KRT3: variants seen among roughly 807,000 people sequenced by gnomAD.
KRT3 encodes the protein keratin 3, also known as keratin, type II cytoskeletal 3.
A neutral mutation model predicts 45.8 loss-of-function variants in KRT3; 34 were observed. The ratio of observed to expected loss-of-function variants is 0.74; its 90% CI spans 0.57 to 0.99. KRT3 has a LOEUF of 0.99. Among genes scored for constraint, KRT3 ranks in the 50% least tolerant of loss-of-function variants. The pLI, the probability that KRT3 is intolerant of heterozygous loss-of-function variation, is 0.00. For missense variants in KRT3, 828 were observed against 820.6 expected, an observed-to-expected ratio of 1.01 and a Z score of -0.11; for synonymous variants, 367 against 329.0, an observed-to-expected ratio of 1.12 and a Z score of -1.25.
rs750421344 is a variant in KRT3 at position 52,795,970 on chromosome 12, C to T, written c.73G>A (p.Gly25Ser). Residue 25 changes from glycine to serine, a missense_variant, in exon 1 of 9, where the codon GGC (glycine) becomes AGC (serine). Physicochemically the swap from Gly to Ser is moderately conservative, Grantham distance 56. Transcript: ENST00000417996. ...GCCACACAGCTCATCCTGCTGCTGC[C>T]GGAGACCACAGCAGAGCGGCCGGAG... ...GFSGRSAVVS[G>S]SSRMSCVAHS... 1.1e-5 allele frequency: 18 copies of T among 1,614,018 alleles called. No individual in the cohort carries two copies. The highest frequency in any genetic ancestry group is 1.6e-4 in the Middle Eastern group (1 of 6,062).
intron 3 of KRT3, 65 bp from the exon 4 acceptor site, chr12:52,792,871 C>A: frequency 9.4e-7 from 1 of 1,060,560 alleles, no homozygotes. Flanking sequence ...ACAACTGCAG[C>A]AAGAAAGAGC....
chr12:52,794,723 G>A (rs1201443219), intron 1 of KRT3, among the ~76,000 whole-genome samples: 1 of 152,168 alleles, frequency 6.6e-6, no homozygotes, highest in East Asian at 1.9e-4. Flanking sequence ...TTCAAAAACA[G>A]TGAAGTGATG....
Position 52,789,861 on chromosome 12 carries a change from C to A in KRT3, c.*181G>T. The stretch of plus-strand genomic sequence containing the variant: ...CACAGGCTGGAGCCGGAGAGAAGAG[C>A]CTGAAATTCTCGTGACTGGGCTTGG... On this transcript the variant is annotated 3_prime_UTR_variant, in exon 9 of 9. Coordinates refer to ENST00000417996, the MANE Select transcript of KRT3 (RefSeq NM_057088.3). The A allele has an allele frequency of 1.4e-6, 1 of 693,682 alleles. No homozygotes were observed. The highest frequency in any genetic ancestry group is 2.5e-6 in the Non-Finnish European group (1 of 404,404). The allele number at this position is 693,682 out of a possible 1,614,324, so 43.0% of individuals were successfully genotyped here.
In KRT3 at chr12:52,794,201, C is replaced by T. The variant is rs199804632; in HGVS notation, c.776G>A (p.Arg259Gln). Residue 259 changes from arginine (R) to glutamine (Q), a missense_variant, in exon 2 of 9, where the codon CGG (arginine) becomes CAG (glutamine). Coordinates refer to ENST00000417996, the MANE Select transcript of KRT3 (RefSeq NM_057088.3). ...PLFENHINYL[R>Q]SYLDNILGER... is the part of the protein sequence containing the mutation. Reference sequence around the variant, plus strand: ...CCCGAGGATGTTGTCCAGGTAGCTCCGCAGGTAGTTGATGTGATTCTCAAA... The same window carrying T: ...CCCGAGGATGTTGTCCAGGTAGCTCTGCAGGTAGTTGATGTGATTCTCAAA... The T allele has an allele frequency of 3.5e-5, 57 of 1,614,138 alleles. 1 individual carries two copies. In the Middle Eastern group the frequency reaches 8.2e-4, roughly 23 times the overall value.
In KRT3 at chr12:52,790,804, A is replaced by C. The variant is rs1208799242; in HGVS notation, c.1570+34T>G. 8 of 1,536,814 alleles carry C rather than the reference A, an allele frequency of 5.2e-6. No homozygotes were observed. In the African/African-American group the frequency reaches 1.1e-4, roughly 21 times the overall value. ...GGATTAGTGCAGATATTTCAGAATT[A>C]ACTCTCATTTTCTTAGCTACTTTCG... On this transcript the variant is annotated intron_variant, in intron 8 of 8. Transcript: ENST00000417996.
chr12:52,790,255 GC>G lies in KRT3; in HGVS notation c.1673del (p.Gly558AlafsTer149). 6.4e-7 allele frequency: 1 copy of G among 1,550,718 alleles called. No individual in the cohort carries two copies. The highest frequency in any genetic ancestry group is 8.7e-7 in the Non-Finnish European group (1 of 1,146,816). ...GGLGGGFSAG[G>X]GSGSGFGRGG... ...CCCGGCCAAAGCCACTGCCTGAGCC[GC>G]CGCCCGCACTGAAGCCACCTCCTAA... On this transcript the variant is annotated frameshift_variant, in exon 9 of 9. Transcript: ENST00000417996. LOFTEE classifies it low-confidence loss of function (END_TRUNC).
chr12:52,795,593 A>G lies in KRT3; in HGVS notation c.450T>C (p.Gly150=). 1 of 1,598,734 alleles carries G rather than the reference A, an allele frequency of 6.3e-7. No individual in the cohort carries two copies. Among genetic ancestry groups the G allele is most frequent in the South Asian group, 1.1e-5 (1 of 89,744 alleles). ...CAGGACTGCCCAAGCTGCCAGGCCC[A>G]CCAAAGCCACCAGACCCACCAAAGC... is the stretch of plus-strand genomic sequence containing the variant. ...PGGFGGSGGF[G]GPGSLGSPGG... The change falls in exon 1 of 9, where the codon GGT becomes GGC. Residue 150 remains glycine, a synonymous_variant. Coordinates refer to ENST00000417996, the MANE Select transcript of KRT3 (RefSeq NM_057088.3).
rs1184883044 is a variant in KRT3, at chr12:52,792,414, A to G, written c.1024-11T>C. 2 of 1,613,288 alleles carry G rather than the reference A, an allele frequency of 1.2e-6. No individual in the cohort carries two copies. The highest frequency in any genetic ancestry group is 2.2e-5 in the East Asian group (1 of 44,890). ...CATCTGAGATAGCTCCTGTCAACAC[A>G]GAGGGAGCTTGTTCACTTTTGGGGT... On this transcript the variant is annotated splice_polypyrimidine_tract_variant and intron_variant, in intron 4 of 8. Transcript: ENST00000417996.
In KRT3 at chr12:52,791,235, G is replaced by A; in HGVS notation, c.1506C>T (p.Tyr502=). Residue 502 remains tyrosine (Y), a synonymous_variant, in exon 7 of 9, where the codon TAC becomes TAT. Coordinates refer to ENST00000417996, the MANE Select transcript of KRT3 (RefSeq NM_057088.3). ...KLALDVEIAT[Y]RKLLEGEEYR... ...ACTCCTCGCCCTCCAGCAGCTTGCG[G>A]TAGGTGGCGATCTCCACGTCCAGGG... 1.2e-6 allele frequency: 2 copies of A among 1,614,228 alleles called. No homozygotes were observed. The highest frequency in any genetic ancestry group is 1.7e-6 in the Non-Finnish European group (2 of 1,180,038).
At position 52,791,756 on chromosome 12, in the gene KRT3, C is replaced by G. The variant is rs1232654730; in HGVS notation, c.1249G>C (p.Glu417Gln). ...HGDDLRNTKS[E>Q]IIELNRMIQR... ...ATCATTCTGTTGAGCTCTATGATCT[C>G]GCTCTTGGTATTTCTTAGGTCATCC... is the stretch of plus-strand genomic sequence containing the variant. Residue 417 changes from glutamate (E) to glutamine (Q), a missense_variant, in exon 6 of 9, where the codon GAG (glutamate) becomes CAG (glutamine). Glu to Gln is a conservative substitution (Grantham distance 29). Coordinates refer to ENST00000417996, the MANE Select transcript of KRT3 (RefSeq NM_057088.3). 6.2e-7 allele frequency: 1 copy of G among 1,614,102 alleles called. No homozygotes were observed. Among genetic ancestry groups the G allele is most frequent in the Non-Finnish European group, 8.5e-7 (1 of 1,179,982 alleles).
Position 52,790,167 on chromosome 12 carries a change from CGCTGCCACCGCTGAAACCGCT to C in KRT3, c.1741_1761del (p.Ser581_Ser587del). 1 of 1,547,316 alleles carries C rather than the reference CGCTGCCACCGCTGAAACCGCT, an allele frequency of 6.5e-7. No homozygotes were observed. Among genetic ancestry groups the C allele is most frequent in the Non-Finnish European group, 8.7e-7 (1 of 1,146,784 alleles). ...CGGGCGCCAGAGATGGAGCCAAAGC[CGCTGCCACCGCTGAAACCGCT>C]GCTGCCGCCGCCAAATCCACCGCCG... is the stretch of plus-strand genomic sequence containing the variant. On this transcript the variant is annotated inframe_deletion, in exon 9 of 9. Coordinates refer to ENST00000417996, the MANE Select transcript of KRT3 (RefSeq NM_057088.3).
At chr12:52,791,101 T>G in intron 7 of KRT3, 105 bp downstream of exon 7, 1 of 1,557,904 alleles carries the variant, frequency 6.4e-7, no homozygotes. Context: ...CCACAAGGCC[T>G]CTCTTTATAC....
In KRT3 at chr12:52,792,377, G is replaced by C; in HGVS notation, c.1050C>G (p.Ile350Met). 1 of 1,614,104 alleles carries C rather than the reference G, an allele frequency of 6.2e-7. No homozygotes were observed. Among genetic ancestry groups the C allele is most frequent in the South Asian group, 1.1e-5 (1 of 91,082 alleles). The change falls in exon 5 of 9, where the codon ATC becomes ATG. Residue 350 changes from isoleucine to methionine, a missense_variant. Physicochemically the swap from Ile to Met is conservative, Grantham distance 10. Coordinates refer to ENST00000417996, the MANE Select transcript of KRT3 (RefSeq NM_057088.3). ...DAELSQMQSHISDTSVVLSMD... is the reference protein window; with the variant it reads ...DAELSQMQSHMSDTSVVLSMD... ...TGGACAGCACCACAGATGTGTCACT[G>C]ATGTGGCTCTGCATCTGAGATAGCT...
At chr12:52,794,411 T>G in intron 1 of KRT3, 80 bp from the exon 2 acceptor site, 1 of 1,019,488 alleles carries the variant, frequency 9.8e-7, no homozygotes, top group Non-Finnish European at 1.5e-6. Context: ...TAGGACTAGG[T>G]GTCTATCTCC....
At chr12:52,794,445 G>T in intron 1 of KRT3, 114 bp from the exon 2 acceptor site, 1 of 723,552 alleles carries the variant, frequency 1.4e-6, no homozygotes, top group Non-Finnish European at 2.4e-6. Context: ...CAAAGGCCTA[G>T]AAAAGATGCA....
chr12:52,790,302 C>G lies in KRT3; in HGVS notation c.1627G>C (p.Gly543Arg), dbSNP rs762261001. The change falls in exon 9 of 9, where the codon GGC becomes CGC. Residue 543 changes from glycine (G) to arginine (R), a missense_variant. By Grantham distance (125) the Gly-to-Arg change is moderately radical. Coordinates refer to ENST00000417996, the MANE Select transcript of KRT3 (RefSeq NM_057088.3). ...ASAGGYGGGY[G>R]GGMGGGLGGG... ...CCTAAACCACCGCCCATGCCTCCGC[C>G]GTAACCTCCTCCATAGCCACCTGCG... is the stretch of plus-strand genomic sequence containing the variant. The G allele has an allele frequency of 3.2e-6, 5 of 1,570,496 alleles. No individual in the cohort carries two copies. Among genetic ancestry groups the G allele is most frequent in the African/African-American group, 1.4e-5 (1 of 73,826 alleles).
At chr12:52,793,004 C>T (rs1939560147) in intron 3 of KRT3, among the ~76,000 whole-genome samples, 159 bp downstream of exon 3, 1 of 151,984 alleles carries the variant, frequency 6.6e-6, no homozygotes, top group South Asian at 2.2e-4. Flanking sequence ...GATGAACTAA[C>T]TCTTTTAGGG....
At position 52,794,205 on chromosome 12, in the gene KRT3, G is replaced by C; in HGVS notation, c.772C>G (p.Leu258Val). Residue 258 changes from leucine to valine, a missense_variant, in exon 2 of 9, where the codon CTG (leucine) becomes GTG (valine). Transcript: ENST00000417996. ...AGGATGTTGTCCAGGTAGCTCCGCA[G>C]GTAGTTGATGTGATTCTCAAAAAGA... ...EPLFENHINY[L>V]RSYLDNILGE... The C allele has an allele frequency of 6.2e-7, 1 of 1,614,202 alleles. No homozygotes were observed. Among genetic ancestry groups the C allele is most frequent in the East Asian group, 2.2e-5 (1 of 44,886 alleles).
At position 52,795,389 on chromosome 12, in the gene KRT3, C is replaced by A; in HGVS notation, c.645+9G>T. 1 of 1,614,044 alleles carries A rather than the reference C, an allele frequency of 6.2e-7. No homozygotes were observed. Among genetic ancestry groups the A allele is most frequent in the Non-Finnish European group, 8.5e-7 (1 of 1,180,004 alleles). ...CCCAGGAAGGGATGACCAGTCAAAGCTTCATTACCTTGTCAATGAAGGAGG... is the reference window on the plus strand; with the variant it reads ...CCCAGGAAGGGATGACCAGTCAAAGATTCATTACCTTGTCAATGAAGGAGG... On this transcript the variant is annotated intron_variant, in intron 1 of 8. Transcript: ENST00000417996.
Sources: allele counts gnomAD v4.1 joint callset (sites outside exome capture counted in the v4.1 genomes callset), GRCh38; gene constraint gnomAD v4.1.1; transcripts MANE v1.5; gene names NCBI Gene and HGNC (gene_info 2026-07-23, HGNC 2026-07-21).